The following ABAT variants were observed in gnomAD, a reference collection of about 807,000 sequenced individuals.
ABAT encodes the protein 4-aminobutyrate aminotransferase, mitochondrial.
Under a neutral mutation model 64.6 loss-of-function variants are expected in ABAT, and 45 were observed. The observed-to-expected ratio is 0.70, with a 90% CI of 0.55 to 0.89. The LOEUF (loss-of-function observed/expected upper bound fraction) is 0.89, where lower values mean the gene tolerates loss of function less well. Ranked by LOEUF, ABAT falls within the 40% of genes least tolerant of loss-of-function variation. ABAT has a pLI of 0.00. For missense variants in ABAT, 633 were observed against 658.4 expected (o/e 0.96, Z 0.42); for synonymous variants, 297 against 250.5 (o/e 1.19, Z -1.75).
At chr16:8,686,399 G>A (rs1391785328) in intron 1 of ABAT, among the ~76,000 whole-genome samples, 1 of 152,202 alleles carries the variant, frequency 6.6e-6, no homozygotes, top group Non-Finnish European at 1.5e-5. Flanking sequence ...GTTCCAGGAG[G>A]GATTCAGAGG....
Position 8,764,780 on chromosome 16 carries a change from G to A in ABAT, c.490G>A (p.Gly164Ser), listed in dbSNP as rs2059895388. ...GMSQLITMACGSCSNENALKT... is the reference protein window; with the variant it reads ...GMSQLITMACSSCSNENALKT... ...GTCCCAGCTCATCACCATGGCCTGC[G>A]GCTCCTGCTCCAATGAAAACGCCTT... The change falls in exon 8 of 16, where the codon GGC becomes AGC. Residue 164 changes from glycine (G) to serine (S), a missense_variant. Coordinates refer to ENST00000268251, the MANE Select transcript of ABAT (RefSeq NM_020686.6). This position sits in a 1 kb window ranked among gnomAD's most constrained non-coding sequence, Gnocchi z 4.2. 4.3e-6 allele frequency: 7 copies of A among 1,613,942 alleles called. No individual in the cohort carries two copies. Among genetic ancestry groups the A allele is most frequent in the Non-Finnish European group, 5.1e-6 (6 of 1,180,038 alleles).
chr16:8,773,612 A>G (rs2060184559), intron 12 of ABAT, among the ~76,000 whole-genome samples: 1 of 152,236 alleles, frequency 6.6e-6, no homozygotes, highest in Non-Finnish European at 1.5e-5. Flanking sequence ...TAAATTATTA[A>G]CTAAAATCAC....
chr16:8,764,672 G>T lies in ABAT; in HGVS notation c.448-66G>T. 1.4e-6 allele frequency: 2 copies of T among 1,460,912 alleles called. No individual in the cohort carries two copies. The highest frequency in any genetic ancestry group is 1.9e-6 in the Non-Finnish European group (2 of 1,041,580). 90.5% of individuals were successfully genotyped at this position (1,460,912 alleles called of 1,614,324 possible). On this transcript the variant is annotated intron_variant, in intron 7 of 15. Coordinates refer to ENST00000268251, the MANE Select transcript of ABAT (RefSeq NM_020686.6). The surrounding 1 kb of genome is among the most constrained non-coding windows in gnomAD (Gnocchi z 4.2). ...CGGCCCCTGCGAAGATTCAGCTCCA[G>T]CCAGGGGAAGCGGGAGGACAGGAGT...
chr16:8,751,706 G>A (rs560288449), intron 5 of ABAT, among the ~76,000 whole-genome samples: 2 of 152,294 alleles, frequency 1.3e-5, no homozygotes, highest in East Asian at 3.9e-4. Context: ...CAGGCAAGGA[G>A]GCAGCTGGAG....
At chr16:8,690,215 C>G (rs570243352) in intron 1 of ABAT, among the ~76,000 whole-genome samples, 16 of 152,342 alleles carry the variant, frequency 1.1e-4, no homozygotes, top group Admixed American at 7.2e-4. Context: ...GGCACCATCT[C>G]AGGTCTGGAA....
At chr16:8,718,935 G>A (rs1179990515) in intron 1 of ABAT, among the ~76,000 whole-genome samples, 4 of 152,228 alleles carry the variant, frequency 2.6e-5, no homozygotes, top group African/African-American at 9.6e-5. Context: ...TCCAAGTCTG[G>A]AGCTGTGTGG....
At chr16:8,748,399 T>G (rs1009673096) in intron 4 of ABAT, among the ~76,000 whole-genome samples, 1 of 152,228 alleles carries the variant, frequency 6.6e-6, no homozygotes, top group Non-Finnish European at 1.5e-5. Context: ...TGGAAACATA[T>G]TTTTGTGATT....
chr16:8,712,979 A>G (rs920388393), intron 1 of ABAT: 3 of 139,360 alleles, frequency 2.2e-5, no homozygotes, highest in Non-Finnish European at 4.6e-5. Flanking sequence ...TCTTGTGATC[A>G]CCCTCATTAC....
intron 1 of ABAT, among the ~76,000 whole-genome samples, chr16:8,709,017 G>C (rs1429881836): frequency 6.6e-6 from 1 of 152,106 alleles, no homozygotes; most frequent in African/African-American, 2.4e-5. Flanking sequence ...ATCTGAATGG[G>C]GGTGTGCCGT....
chr16:8,733,775 A>G (rs1234388570), intron 1 of ABAT, among the ~76,000 whole-genome samples: 2 of 148,350 alleles, frequency 1.3e-5, no homozygotes, highest in Non-Finnish European at 2.9e-5. Context: ...GCAGCAGTAC[A>G]GTCCAGCTTC....
chr16:8,762,660 C>T (rs1003962899), intron 6 of ABAT, among the ~76,000 whole-genome samples: 1 of 152,220 alleles, frequency 6.6e-6, no homozygotes, highest in Non-Finnish European at 1.5e-5. Context: ...CGTTCCTAGA[C>T]CCAGACGGCT....
intron 14 of ABAT, 102 bp from the exon 15 acceptor site, chr16:8,779,377 C>G (rs1054239510): frequency 8.2e-6 from 8 of 980,500 alleles, no homozygotes; most frequent in Non-Finnish European, 1.1e-5. Flanking sequence ...ATGCAGAGGC[C>G]GAGGCTGGAC....
At chr16:8,687,380 G>T (rs1298619996) in intron 1 of ABAT, among the ~76,000 whole-genome samples, 1 of 152,098 alleles carries the variant, frequency 6.6e-6, no homozygotes. Flanking sequence ...AAAAAAATTA[G>T]CTGGGTGTTG....
intron 11 of ABAT, 103 bp downstream of exon 11, chr16:8,769,076 A>T (rs2060027335): frequency 6.6e-7 from 1 of 1,510,230 alleles, no homozygotes; most frequent in African/African-American, 1.4e-5. Context: ...TTATCTGGGG[A>T]TCTGTGCAGT....
chr16:8,724,739 A>AC (rs2058487311), intron 1 of ABAT, among the ~76,000 whole-genome samples: 1 of 6,064 alleles, frequency 1.6e-4, no homozygotes, highest in African/African-American at 4.2e-4. Flanking sequence ...AGGAAAAAAA[A>AC]AAAAAACAAA....
intron 2 of ABAT, chr16:8,738,309 TTAAAATAA>T (rs1055106339): frequency 7.1e-6 from 3 of 421,814 alleles, no homozygotes; most frequent in Non-Finnish European, 1.4e-5. Flanking sequence ...TGGCCTTGTC[TTAAAATAA>T]TAATAATAGA....
intron 6 of ABAT, chr16:8,760,235 G>GT (rs2059759050): frequency 6.6e-6 from 1 of 152,264 alleles, no homozygotes; most frequent in African/African-American, 2.4e-5. Flanking sequence ...CCGGGGGAGG[G>GT]TTCCAGTCTT....
At chr16:8,742,152 C>A (rs1032000201) in intron 2 of ABAT, among the ~76,000 whole-genome samples, 3 of 152,196 alleles carry the variant, frequency 2.0e-5, no homozygotes. Flanking sequence ...CCAGTTCTCA[C>A]CCTTTCTTCA....
chr16:8,743,444 T>TATATATATATATATATATAC (rs368568293), intron 2 of ABAT, among the ~76,000 whole-genome samples: 1,205 of 117,504 alleles, frequency 0.01, 42 homozygotes, highest in East Asian at 0.015. Flanking sequence ...TATATATATA[T>TATATATATATATATATATAC]ACACACATTT....
Sources: gnomAD v4.1 joint callset for allele counts (sites outside exome capture counted in the v4.1 genomes callset) on GRCh38, gnomAD v4.1.1 for gene constraint, Gnocchi (gnomAD v3.1) non-coding constraint, MANE v1.5 for transcripts, NCBI Gene and HGNC (gene_info 2026-07-23, HGNC 2026-07-21) for gene names.